Variants in DCX observed in about 807,000 individuals in gnomAD.
The protein encoded by DCX is neuronal migration protein doublecortin.
Under a neutral mutation model 20.9 loss-of-function variants are expected in DCX, and 4 were observed. That is an observed-to-expected ratio of 0.19 (90% CI 0.09 to 0.44). DCX has a LOEUF of 0.44. Among genes scored for constraint, DCX ranks in the 20% least tolerant of loss-of-function variants. The pLI, the probability that DCX is intolerant of heterozygous loss-of-function variation, is 0.99. For synonymous variants in DCX, 103 were observed against 111.4 expected, an observed-to-expected ratio of 0.92 and a Z score of 0.47; for missense variants, 133 against 296.9, an observed-to-expected ratio of 0.45 and a Z score of 4.06.
At chrX:111,312,513 A>C in intron 6 of DCX, 126 bp downstream of exon 6, 1 of 619,451 alleles carries the variant, frequency 1.6e-6, no homozygotes, top group South Asian at 2.7e-5. Flanking sequence ...ACTTCAAGCT[A>C]ATGAAGCCAG....
rs754253913 is a variant in DCX, at chrX:111,372,182, C to A, written c.705+28808G>T. 1.7e-3 allele frequency among the ~76,000 whole-genome samples: 191 copies of A among 111,738 alleles called. 1 individual carries two copies. The highest frequency in any genetic ancestry group is 6.1e-3 in the African/African-American group (188 of 30,784). On this transcript the variant is annotated intron_variant, in intron 3 of 6. Transcript: ENST00000636035. ...GCAATAAGATAAGCCATCATGCTGA[C>A]CAACACACAAAGCTCTCAGTGACAA...
intron 3 of DCX, among the ~76,000 whole-genome samples, chrX:111,340,494 G>T (rs748705773): frequency 8.9e-6 from 1 of 111,736 alleles, no homozygotes; most frequent in Non-Finnish European, 1.9e-5. Context: ...TTTTCCCCCA[G>T]TGAGGCACAC....
At position 111,297,813 on chromosome X, in the gene DCX, C is replaced by T. The variant is rs778103230; in HGVS notation, c.*3874G>A. On this transcript the variant is annotated 3_prime_UTR_variant, in exon 7 of 7. Coordinates refer to ENST00000636035, the MANE Select transcript of DCX (RefSeq NM_001195553.2). ...GACGATGGGAAGAGTGTATAGAGCA[C>T]ACAGCTTGCTATTTTGGTGCAAACA... The T allele has an allele frequency of 6.3e-5, 7 of 111,744 alleles. No homozygotes were observed. The highest frequency in any genetic ancestry group is 1.1e-4 in the Non-Finnish European group (6 of 53,179). The allele number at this position is 111,744 out of a possible 1,213,427, so 9.2% of individuals were successfully genotyped here.
intron 3 of DCX, among the ~76,000 whole-genome samples, chrX:111,389,524 A>C (rs1316752636): frequency 2.7e-5 from 3 of 111,159 alleles, no homozygotes; most frequent in African/African-American, 9.8e-5. Flanking sequence ...TGGAGTCTCC[A>C]CTTAGATGTA....
chrX:111,349,282 G>A (rs1923115917), intron 3 of DCX, among the ~76,000 whole-genome samples: 1 of 111,576 alleles, frequency 9.0e-6, no homozygotes, highest in Non-Finnish European at 1.9e-5. Context: ...CAGAATGCTG[G>A]CAGCTGTCGT....
chrX:111,338,561 C>A (rs183130712), intron 3 of DCX, among the ~76,000 whole-genome samples: 89 of 109,850 alleles, frequency 8.1e-4, no homozygotes, highest in African/African-American at 2.8e-3. Context: ...ACTGCAGCAA[C>A]CTTTCGGAAA....
chrX:111,295,436 A>T lies in DCX; in HGVS notation c.*6251T>A, dbSNP rs41304474. 8.9e-6 allele frequency: 1 copy of T among 112,138 alleles called. No individual in the cohort carries two copies. Among genetic ancestry groups the T allele is most frequent in the East Asian group, 2.8e-4 (1 of 3,606 alleles). 9.2% of individuals were successfully genotyped at this position (112,138 alleles called of 1,213,427 possible). ...ATTTGTTAAATTATCTTTTCATTTA[A>T]ATCAACTCCGATTGCCTACCAGTTT... is the stretch of plus-strand genomic sequence containing the variant. On this transcript the variant is annotated 3_prime_UTR_variant, in exon 7 of 7. Transcript: ENST00000636035.
intron 5 of DCX, among the ~76,000 whole-genome samples, chrX:111,314,669 G>T (rs962198010): frequency 9.0e-6 from 1 of 111,650 alleles, no homozygotes; most frequent in African/African-American, 3.3e-5. Context: ...CCACTGAGTT[G>T]CATATGTTAA....
intron 3 of DCX, among the ~76,000 whole-genome samples, chrX:111,343,262 T>A (rs1922462300): frequency 9.4e-6 from 1 of 106,683 alleles, no homozygotes. Context: ...CTCACAGAAA[T>A]ACAAACTATC....
chrX:111,327,412 C>CT (rs2095101976), intron 5 of DCX, among the ~76,000 whole-genome samples: 1 of 111,989 alleles, frequency 8.9e-6, no homozygotes, highest in Non-Finnish European at 1.9e-5. Context: ...ACAATTGTTA[C>CT]TTTTTAAATC....
intron 2 of DCX, among the ~76,000 whole-genome samples, chrX:111,402,401 G>A (rs993602711): frequency 1.3e-4 from 14 of 111,815 alleles, no homozygotes; most frequent in African/African-American, 4.2e-4. Context: ...GGTTGAATTC[G>A]TTGAGTAAAA....
At chrX:111,406,871 T>A (rs2147270517) in intron 2 of DCX, among the ~76,000 whole-genome samples, 1 of 112,514 alleles carries the variant, frequency 8.9e-6, no homozygotes, top group African/African-American at 3.2e-5. Flanking sequence ...GTTATGATGA[T>A]GGTTGCACCA....
Position 111,301,435 on chromosome X carries a change from C to T in DCX, c.*252G>A, listed in dbSNP as rs2095033646. The T allele has an allele frequency of 7.1e-6, 3 of 422,413 alleles. No individual in the cohort carries two copies. The highest frequency in any genetic ancestry group is 7.0e-5 in the South Asian group (2 of 28,615). The allele number at this position is 422,413 out of a possible 1,213,427, so 34.8% of individuals were successfully genotyped here. ...AAAGGTCATGGACTAGCACATTTTG[C>T]ATCCCTGGAATGCTGCCCCAAAGGA... On this transcript the variant is annotated 3_prime_UTR_variant, in exon 7 of 7. Transcript: ENST00000636035.
chrX:111,411,000 C>T (rs759140922), intron 1 of DCX: 2 of 1,138,966 alleles, frequency 1.8e-6, no homozygotes, highest in South Asian at 1.8e-5. Flanking sequence ...CTTTCCTACT[C>T]TAATGTGTGC....
At chrX:111,360,684 T>C (rs1195435533) in intron 3 of DCX, among the ~76,000 whole-genome samples, 1 of 111,318 alleles carries the variant, frequency 9.0e-6, no homozygotes, top group Non-Finnish European at 1.9e-5. Flanking sequence ...TGCATACCTG[T>C]ATCAAAACAT....
At chrX:111,406,331 C>T (rs1424069825) in intron 2 of DCX, among the ~76,000 whole-genome samples, 5 of 112,334 alleles carry the variant, frequency 4.5e-5, no homozygotes, top group African/African-American at 1.6e-4. Context: ...TTGGAAACCA[C>T]TGACCATTAC....
chrX:111,376,294 T>C (rs185064291), intron 3 of DCX, among the ~76,000 whole-genome samples: 4 of 111,509 alleles, frequency 3.6e-5, no homozygotes, highest in African/African-American at 1.3e-4. Flanking sequence ...GCAGTCAGAG[T>C]CTTTGCTGAT....
intron 2 of DCX, among the ~76,000 whole-genome samples, chrX:111,405,476 T>C (rs1928137582): frequency 9.0e-6 from 1 of 111,392 alleles, no homozygotes; most frequent in African/African-American, 3.3e-5. Flanking sequence ...ATAGCCAGTG[T>C]GACTACACAG....
intron 3 of DCX, among the ~76,000 whole-genome samples, chrX:111,362,056 T>C (rs1924253431): frequency 9.0e-6 from 1 of 111,485 alleles, no homozygotes; most frequent in African/African-American, 3.3e-5. Flanking sequence ...AGTTGGAATC[T>C]TATTTTTGCT....
Sources: allele counts gnomAD v4.1 joint callset (sites outside exome capture counted in the v4.1 genomes callset), GRCh38; gene constraint gnomAD v4.1.1; transcripts MANE v1.5; gene names NCBI Gene and HGNC (gene_info 2026-07-23, HGNC 2026-07-21).